The following ARHGAP18 variants were observed in gnomAD, a reference collection of about 807,000 sequenced individuals.
The protein encoded by ARHGAP18 is rho GTPase-activating protein 18.
A neutral mutation model predicts 86.2 loss-of-function variants in ARHGAP18; 67 were observed. The observed-to-expected ratio is 0.78, with a 90% CI of 0.64 to 0.95. The LOEUF is 0.95. Among genes scored for constraint, ARHGAP18 ranks in the 40% least tolerant of loss-of-function variants. The pLI, the probability that ARHGAP18 is intolerant of heterozygous loss-of-function variation, is 0.00. For synonymous variants in ARHGAP18, 283 were observed against 280.4 expected (o/e 1.01, Z -0.09); for missense variants, 691 against 780.4 (o/e 0.89, Z 1.37).
chr6:129,581,145 ACT>A (rs369714126), intron 13 of ARHGAP18, among the ~76,000 whole-genome samples: 6 of 152,282 alleles, frequency 3.9e-5, no homozygotes, highest in African/African-American at 1.4e-4. Context: ...CTGAAGACAC[ACT>A]CTCTGGAACT....
chr6:129,702,947 C>T (rs1774741560), intron 1 of ARHGAP18, among the ~76,000 whole-genome samples: 1 of 152,026 alleles, frequency 6.6e-6, no homozygotes, highest in South Asian at 2.1e-4. Context: ...TTGCAGTGAG[C>T]CGAGATTGCG....
At chr6:129,586,864 T>C (rs751254024) in intron 12 of ARHGAP18, among the ~76,000 whole-genome samples, 2 of 152,014 alleles carry the variant, frequency 1.3e-5, no homozygotes, top group Non-Finnish European at 1.5e-5. Flanking sequence ...CTACTCCCCC[T>C]CCCAAATATC....
intron 1 of ARHGAP18, among the ~76,000 whole-genome samples, chr6:129,675,248 G>A (rs1774209089): frequency 6.6e-6 from 1 of 152,040 alleles, no homozygotes; most frequent in Admixed American, 6.5e-5. Flanking sequence ...CCCCTCACCT[G>A]GGAGTCTCTA....
intron 1 of ARHGAP18, among the ~76,000 whole-genome samples, chr6:129,688,558 C>T (rs914174229): frequency 1.3e-5 from 2 of 152,138 alleles, no homozygotes; most frequent in Non-Finnish European, 2.9e-5. Flanking sequence ...TTTGGGAGGC[C>T]GAGGCGGGTG....
intron 1 of ARHGAP18, among the ~76,000 whole-genome samples, chr6:129,656,734 T>G (rs576389851): frequency 8.7e-4 from 132 of 152,296 alleles, no homozygotes; most frequent in African/African-American, 3.1e-3. Flanking sequence ...TTGCTATGCC[T>G]CATTTTAATT....
At chr6:129,635,957 G>T (rs1169208914) in intron 3 of ARHGAP18, among the ~76,000 whole-genome samples, 1 of 152,232 alleles carries the variant, frequency 6.6e-6, no homozygotes, top group Non-Finnish European at 1.5e-5. Context: ...CTAGCACCAA[G>T]TAGCAACATC....
intron 12 of ARHGAP18, among the ~76,000 whole-genome samples, chr6:129,589,594 T>C (rs969206740): frequency 2.0e-5 from 3 of 152,186 alleles, no homozygotes; most frequent in African/African-American, 7.2e-5. Context: ...CATTTTCTTA[T>C]CTTCTTCTGA....
At chr6:129,623,300 T>A (rs549378119) in intron 5 of ARHGAP18, among the ~76,000 whole-genome samples, 36 of 152,292 alleles carry the variant, frequency 2.4e-4, no homozygotes, top group African/African-American at 7.2e-4. Flanking sequence ...CTAACATGTT[T>A]CCATGTATGA....
At chr6:129,593,582 G>A (rs1357107903) in intron 12 of ARHGAP18, among the ~76,000 whole-genome samples, 1 of 152,164 alleles carries the variant, frequency 6.6e-6, no homozygotes, top group Non-Finnish European at 1.5e-5. Context: ...AGCCCACAGA[G>A]GTAAAATGAC....
intron 1 of ARHGAP18, among the ~76,000 whole-genome samples, chr6:129,655,335 A>G (rs1773808814): frequency 8.3e-6 from 1 of 120,698 alleles, no homozygotes; most frequent in South Asian, 2.4e-4. Flanking sequence ...AAAAAAAAAA[A>G]AAAAAAGAAA....
chr6:129,582,852 A>G (rs1584019345), intron 13 of ARHGAP18, among the ~76,000 whole-genome samples: 2 of 152,310 alleles, frequency 1.3e-5, no homozygotes, highest in African/African-American at 4.8e-5. Context: ...TAATAATAGC[A>G]CTTACTTCAG....
At chr6:129,618,078 A>G (rs959568391) in intron 6 of ARHGAP18, among the ~76,000 whole-genome samples, 2 of 147,304 alleles carry the variant, frequency 1.4e-5, no homozygotes, top group Non-Finnish European at 1.5e-5. Flanking sequence ...TAAACTGTTT[A>G]TTTAATGGGT....
intron 8 of ARHGAP18, among the ~76,000 whole-genome samples, chr6:129,611,239 G>A (rs1309257564): frequency 6.6e-6 from 1 of 151,982 alleles, no homozygotes; most frequent in East Asian, 1.9e-4. Context: ...ACTCATCCTG[G>A]CTAAATCTAT....
intron 6 of ARHGAP18, among the ~76,000 whole-genome samples, chr6:129,617,867 G>T (rs28572189): frequency 0.067 from 10,211 of 152,114 alleles, 906 homozygotes; most frequent in African/African-American, 0.2. Context: ...GTGAATACTT[G>T]TCTTTGTGAA....
In ARHGAP18 at chr6:129,600,716, G is replaced by A. The variant is rs370016963; in HGVS notation, c.1498C>T (p.Arg500Ter). ...GTCCCAGCTGCCATTACAAATTCTC[G>A]CTGTTCACTGGACTTCAATCCCAAT... ...HALGLKSSEQ[R>*]EFVMAAGTAN... Residue 500 changes from arginine to a stop codon, truncating the protein, a stop_gained, in exon 11 of 15, where the codon CGA (arginine) becomes TGA (stop). Coordinates refer to ENST00000368149, the MANE Select transcript of ARHGAP18 (RefSeq NM_033515.3). LOFTEE classifies it high-confidence loss of function. 5.0e-6 allele frequency: 8 copies of A among 1,613,528 alleles called. No homozygotes were observed. The highest frequency in any genetic ancestry group is 2.7e-5 in the African/African-American group (2 of 74,868).
rs1245225669 is a variant in ARHGAP18 at position 129,605,109 on chromosome 6, TTAAGA to T, written c.1365+763_1365+767del. Among the ~76,000 whole-genome samples the T allele has an allele frequency of 2.6e-5, 4 of 152,290 alleles. 1 individual carries two copies. The highest frequency in any genetic ancestry group is 4.1e-4 in the South Asian group (2 of 4,834). On this transcript the variant is annotated intron_variant, in intron 10 of 14. Coordinates refer to ENST00000368149, the MANE Select transcript of ARHGAP18 (RefSeq NM_033515.3). The stretch of plus-strand genomic sequence containing the variant: ...AATATTTTTAAGGCAAGGGAAAAAC[TTAAGA>T]TAATACTTTTACTAAGTTAATTTTT...
intron 1 of ARHGAP18, among the ~76,000 whole-genome samples, chr6:129,706,183 A>G (rs1354009317): frequency 6.6e-6 from 1 of 152,246 alleles, no homozygotes; most frequent in Non-Finnish European, 1.5e-5. Context: ...AAGGTAAGAG[A>G]GAACAGTAAG....
rs376985316 is a variant in ARHGAP18 at position 129,618,838 on chromosome 6, T to C, written c.801A>G (p.Pro267=). 4.2e-5 allele frequency: 67 copies of C among 1,612,412 alleles called. No individual in the cohort carries two copies. Among genetic ancestry groups the C allele is most frequent in the South Asian group, 4.1e-4 (37 of 90,826 alleles). The stretch of plus-strand genomic sequence containing the variant: ...TCCTTGTGGTACCCGTTTTGTCTTT[T>C]GGCAATCTGAAACTCTAAAATAAAC... ...DDATLPSFRL[P]KDKTGTTRIG... The change falls in exon 6 of 15, where the codon CCA becomes CCG. Residue 267 remains proline (P), a synonymous_variant. Transcript: ENST00000368149.
intron 1 of ARHGAP18, among the ~76,000 whole-genome samples, chr6:129,657,502 C>A (rs542191835): frequency 6.6e-5 from 10 of 151,242 alleles, no homozygotes; most frequent in African/African-American, 2.4e-4. Context: ...ATGGAATCAT[C>A]TAAACTCAAG....
Sources: allele counts gnomAD v4.1 joint callset (sites outside exome capture counted in the v4.1 genomes callset), GRCh38; gene constraint gnomAD v4.1.1; transcripts MANE v1.5; gene names NCBI Gene and HGNC (gene_info 2026-07-23, HGNC 2026-07-21).